Variants in ANKRD17 observed in about 807,000 individuals in gnomAD.
ANKRD17 encodes the protein ankyrin repeat domain-containing protein 17.
In ANKRD17, 19 loss-of-function variants were observed where a neutral mutation model predicts 229.7. That is an observed-to-expected ratio of 0.08 (90% CI 0.06 to 0.12). The LOEUF (loss-of-function observed/expected upper bound fraction) is 0.12, where lower values mean the gene tolerates loss of function less well. Ranked by LOEUF, ANKRD17 falls within the 10% of genes least tolerant of loss-of-function variation. ANKRD17 has a pLI of 1.00. For synonymous variants in ANKRD17, 1,112 were observed against 1,146.1 expected, an observed-to-expected ratio of 0.97 and a Z score of 0.60; for missense variants, 2,176 against 3,176.8, an observed-to-expected ratio of 0.68 and a Z score of 7.57.
At position 73,139,776 on chromosome 4, in the gene ANKRD17, T is replaced by C. The variant is rs1218246447; in HGVS notation, c.2840A>G (p.Gln947Arg). Reference protein sequence around the residue: ...LKDEPQQTAAQMGFAPIQPLA... With the variant: ...LKDEPQQTAARMGFAPIQPLA... The stretch of plus-strand genomic sequence containing the variant: ...AGGCTGGATTGGCGCAAAACCCATC[T>C]GAGCAGCAGTCTGCTGGGGTTCATC... The change falls in exon 15 of 34, where the codon CAG becomes CGG. Residue 947 changes from glutamine (Q) to arginine (R), a missense_variant. Physicochemically the swap from Gln to Arg is conservative, Grantham distance 43 (BLOSUM62 1). Transcript: ENST00000358602. 4.3e-6 allele frequency: 7 copies of C among 1,614,218 alleles called. No homozygotes were observed. The highest frequency in any genetic ancestry group is 5.9e-6 in the Non-Finnish European group (7 of 1,180,036).
chr4:73,136,622 T>C (rs948285052), intron 15 of ANKRD17, among the ~76,000 whole-genome samples: 1 of 152,104 alleles, frequency 6.6e-6, no homozygotes, highest in East Asian at 1.9e-4. Context: ...TATACTAATA[T>C]ATTAAATTGA....
intron 2 of ANKRD17, among the ~76,000 whole-genome samples, chr4:73,176,876 T>C (rs1298406659): frequency 6.6e-6 from 1 of 152,020 alleles, no homozygotes; most frequent in Non-Finnish European, 1.5e-5. Context: ...AATTAAAAAA[T>C]TAACACCAAC....
intron 1 of ANKRD17, among the ~76,000 whole-genome samples, chr4:73,246,048 G>A (rs1744470843): frequency 6.6e-6 from 1 of 152,076 alleles, no homozygotes; most frequent in Non-Finnish European, 1.5e-5. Flanking sequence ...ACCCTCCAAT[G>A]CCTACTACTT....
rs777012968 is a variant in ANKRD17 at position 73,091,731 on chromosome 4, G to A, written c.5897C>T (p.Thr1966Ile). ...GSQVNSAGSL[T>I]SSPTTTTSSS... ...ACTGGTTGTAGTTGTTGGGCTTGAAGTTAAAGAACCTGCTGAATTCACCTG... is the reference window on the plus strand; with the variant it reads ...ACTGGTTGTAGTTGTTGGGCTTGAAATTAAAGAACCTGCTGAATTCACCTG... Residue 1966 changes from threonine to isoleucine, a missense_variant, in exon 29 of 34, where the codon ACT (threonine) becomes ATT (isoleucine). Transcript: ENST00000358602. 1.2e-6 allele frequency: 2 copies of A among 1,614,236 alleles called. No individual in the cohort carries two copies.
intron 9 of ANKRD17, 146 bp from the exon 10 acceptor site, chr4:73,147,019 G>A: frequency 1.3e-6 from 1 of 796,290 alleles, no homozygotes; most frequent in South Asian, 2.2e-5. Flanking sequence ...AGAGAATATT[G>A]TAGGCATTAA....
At chr4:73,214,297 T>C (rs1309637246) in intron 1 of ANKRD17, among the ~76,000 whole-genome samples, 2 of 152,160 alleles carry the variant, frequency 1.3e-5, no homozygotes, top group Admixed American at 1.3e-4. Flanking sequence ...TAGTAAAGAA[T>C]ACATTTGAAT....
intron 15 of ANKRD17, among the ~76,000 whole-genome samples, chr4:73,137,319 G>C (rs1447599428): frequency 3.9e-5 from 6 of 152,128 alleles, no homozygotes; most frequent in East Asian, 1.9e-4. Flanking sequence ...GTTGAGACAG[G>C]TTAAACAGGG....
intron 18 of ANKRD17, among the ~76,000 whole-genome samples, chr4:73,123,475 C>T (rs1304397328): frequency 6.6e-6 from 1 of 151,970 alleles, no homozygotes; most frequent in African/African-American, 2.4e-5. Flanking sequence ...ACAGGCCAGG[C>T]TCCTTGTCTC....
rs1452604287 is a variant in ANKRD17, at chr4:73,258,731, T to C, written c.-63A>G. 7.2e-7 allele frequency: 1 copy of C among 1,380,042 alleles called. No homozygotes were observed. The highest frequency in any genetic ancestry group is 9.3e-7 in the Non-Finnish European group (1 of 1,076,870). 85.5% of individuals were successfully genotyped at this position (1,380,042 alleles called of 1,614,324 possible). On this transcript the variant is annotated 5_prime_UTR_variant, in exon 1 of 34. Coordinates refer to ENST00000358602, the MANE Select transcript of ANKRD17 (RefSeq NM_032217.5). ...CGTGGGGCTACGCTCTACCGCGACT[T>C]CGGCCGCACTGGGGCCGACACAGCA...
At chr4:73,090,096 T>C (rs1354850550) in intron 29 of ANKRD17, among the ~76,000 whole-genome samples, 1 of 152,154 alleles carries the variant, frequency 6.6e-6, no homozygotes, top group East Asian at 1.9e-4. Context: ...AATTAAAACA[T>C]GAAAGACTTC....
rs1553933228 is a variant in ANKRD17 at position 73,191,341 on chromosome 4, A to ATATGTGTG, written c.394-13809_394-13808insCACACATA. The stretch of plus-strand genomic sequence containing the variant: ...AATAGGCCCCTACCAAAAAATATAT[A>ATATGTGTG]TGTGTGTGTGTGTGTGTGTGTGTGT... On this transcript the variant is annotated intron_variant, in intron 1 of 33. Coordinates refer to ENST00000358602, the MANE Select transcript of ANKRD17 (RefSeq NM_032217.5). Among the ~76,000 whole-genome samples, 74 of 125,280 alleles carry ATATGTGTG rather than the reference A, an allele frequency of 5.9e-4. 1 individual carries two copies. Among genetic ancestry groups the ATATGTGTG allele is most frequent in the East Asian group, 2.4e-3 (10 of 4,086 alleles). 82.2% of individuals were successfully genotyped at this position (125,280 alleles called of 152,430 possible).
intron 3 of ANKRD17, among the ~76,000 whole-genome samples, chr4:73,156,386 G>C (rs1412609416): frequency 6.6e-6 from 1 of 152,200 alleles, no homozygotes. Context: ...TAGGATTACA[G>C]ATGTGAACAA....
intron 16 of ANKRD17, among the ~76,000 whole-genome samples, chr4:73,125,949 A>G (rs1373358195): frequency 6.6e-6 from 1 of 152,118 alleles, no homozygotes; most frequent in Non-Finnish European, 1.5e-5. Context: ...TCAAATAACT[A>G]AAAAAGAAAA....
At chr4:73,251,826 A>T (rs1745058100) in intron 1 of ANKRD17, among the ~76,000 whole-genome samples, 1 of 152,230 alleles carries the variant, frequency 6.6e-6, no homozygotes, top group Non-Finnish European at 1.5e-5. Context: ...TTTCCTAATC[A>T]ACTAGATGGC....
chr4:73,194,416 T>C (rs1229428999), intron 1 of ANKRD17, among the ~76,000 whole-genome samples: 5 of 152,230 alleles, frequency 3.3e-5, no homozygotes, highest in Non-Finnish European at 7.3e-5. Context: ...CCCTAGACTA[T>C]TCTGATCCAT....
At chr4:73,256,539 T>C (rs1455556081) in intron 1 of ANKRD17, among the ~76,000 whole-genome samples, 1 of 152,196 alleles carries the variant, frequency 6.6e-6, no homozygotes. Flanking sequence ...GTCTGAGACA[T>C]TAGAAAACTT....
intron 10 of ANKRD17, among the ~76,000 whole-genome samples, chr4:73,146,077 A>G (rs1730246530): frequency 1.3e-5 from 2 of 152,042 alleles, no homozygotes; most frequent in African/African-American, 4.8e-5. Context: ...AAGACCACCT[A>G]TTCTACCCAC....
In ANKRD17 at chr4:73,142,260, T is replaced by A. The variant is rs985136220; in HGVS notation, c.2211A>T (p.Pro737=). 6.4e-7 allele frequency: 1 copy of A among 1,550,716 alleles called. No homozygotes were observed. Among genetic ancestry groups the A allele is most frequent in the Non-Finnish European group, 8.6e-7 (1 of 1,160,622 alleles). ...PPPDVTQLTP[P]SHDLNRAPRV... is the part of the protein sequence containing the mutation. ...ATCTTACCCTATTTAAATCGTGGGA[T>A]GGGGGAGTTAACTGAGTGACATCTG... The change falls in exon 13 of 34, where the codon CCA becomes CCT. Residue 737 remains proline, a synonymous_variant. Coordinates refer to ENST00000358602, the MANE Select transcript of ANKRD17 (RefSeq NM_032217.5).
intron 1 of ANKRD17, among the ~76,000 whole-genome samples, chr4:73,186,816 T>C (rs530372178): frequency 1.3e-5 from 2 of 152,308 alleles, no homozygotes; most frequent in African/African-American, 4.8e-5. Context: ...ATATGGTTTG[T>C]CAAAAATTCT....
Sources: allele counts gnomAD v4.1 joint callset (sites outside exome capture counted in the v4.1 genomes callset), GRCh38; gene constraint gnomAD v4.1.1; transcripts MANE v1.5; gene names NCBI Gene and HGNC (gene_info 2026-07-23, HGNC 2026-07-21).